Variants in SEMA3A observed in about 807,000 individuals in gnomAD.
SEMA3A encodes the protein semaphorin 3A, also known as semaphorin-3A.
In SEMA3A, 29 loss-of-function variants were observed where a neutral mutation model predicts 97.9. That is an observed-to-expected ratio of 0.30 (90% confidence interval 0.22 to 0.40). SEMA3A has a LOEUF of 0.40. Among genes scored for constraint, SEMA3A ranks in the 10% least tolerant of loss-of-function variants. SEMA3A has a pLI of 1.00. For synonymous variants in SEMA3A, 321 were observed against 323.7 expected (o/e 0.99, Z 0.09); for missense variants, 763 against 951.3 (o/e 0.80, Z 2.60).
At chr7:84,021,303 T>C (rs1791318653) in intron 6 of SEMA3A, among the ~76,000 whole-genome samples, 1 of 152,220 alleles carries the variant, frequency 6.6e-6, no homozygotes, top group Admixed American at 6.5e-5. Context: ...CTACTTATTT[T>C]ATAACATTTA....
At chr7:84,037,708 A>G (rs1791991480) in intron 6 of SEMA3A, among the ~76,000 whole-genome samples, 1 of 152,114 alleles carries the variant, frequency 6.6e-6, no homozygotes, top group Non-Finnish European at 1.5e-5. Flanking sequence ...TAAAATTACT[A>G]CTAGAAACAA....
intron 1 of SEMA3A, among the ~76,000 whole-genome samples, chr7:84,180,105 C>A (rs1797695622): frequency 1.3e-5 from 2 of 150,740 alleles, no homozygotes; most frequent in Non-Finnish European, 3.0e-5. Context: ...TGCCACCATG[C>A]CCGGCTGATT....
intron 6 of SEMA3A, among the ~76,000 whole-genome samples, chr7:84,026,262 C>A (rs973882363): frequency 6.6e-6 from 1 of 152,114 alleles, no homozygotes; most frequent in African/African-American, 2.4e-5. Flanking sequence ...CTTATTCAAC[C>A]CTGACTTTGA....
At chr7:84,272,078 A>G (rs1448106412) in intron 3 of SEMA3A, among the ~76,000 whole-genome samples, 3 of 152,094 alleles carry the variant, frequency 2.0e-5, no homozygotes, top group African/African-American at 7.2e-5. Context: ...CTTGCCTGGC[A>G]CAGCTTGCAT....
intron 3 of SEMA3A, among the ~76,000 whole-genome samples, chr7:84,301,708 T>A (rs979623294): frequency 6.6e-6 from 1 of 152,290 alleles, no homozygotes; most frequent in Non-Finnish European, 1.5e-5. Flanking sequence ...GAAAGCAGCT[T>A]GTTCATAAAC....
intron 3 of SEMA3A, among the ~76,000 whole-genome samples, chr7:84,293,517 A>G (rs1490002908): frequency 1.3e-5 from 2 of 152,050 alleles, no homozygotes; most frequent in African/African-American, 4.8e-5. Context: ...TAATTTTCAG[A>G]TGCAAAAAAT....
chr7:84,376,561 G>C (rs1198299640), intron 1 of SEMA3A, among the ~76,000 whole-genome samples: 1 of 90,110 alleles, frequency 1.1e-5, no homozygotes, highest in Non-Finnish European at 2.0e-5. Flanking sequence ...CCGAGATCGC[G>C]CCACTGCACT....
At chr7:84,020,856 A>C (rs1791301989) in intron 6 of SEMA3A, among the ~76,000 whole-genome samples, 1 of 152,118 alleles carries the variant, frequency 6.6e-6, no homozygotes, top group South Asian at 2.1e-4. Context: ...ATTTCCTCTA[A>C]GCCCCCCATA....
chr7:84,416,329 C>T (rs1006596639), intron 1 of SEMA3A, among the ~76,000 whole-genome samples: 4 of 152,080 alleles, frequency 2.6e-5, no homozygotes, highest in Non-Finnish European at 4.4e-5. Flanking sequence ...GTAAGAAGTG[C>T]CTTTCACCTT....
At chr7:83,971,337 C>G (rs1367199481) in intron 15 of SEMA3A, among the ~76,000 whole-genome samples, 1 of 150,842 alleles carries the variant, frequency 6.6e-6, no homozygotes. Context: ...GAGGCTGAGG[C>G]AGAAGAATTG....
chr7:84,045,918 C>G (rs1792330447), intron 6 of SEMA3A, among the ~76,000 whole-genome samples: 1 of 151,238 alleles, frequency 6.6e-6, no homozygotes, highest in Non-Finnish European at 1.5e-5. Flanking sequence ...CAATTTTTGA[C>G]ATTCACTAGT....
chr7:84,047,729 T>C (rs1792410979), intron 5 of SEMA3A, among the ~76,000 whole-genome samples: 1 of 152,042 alleles, frequency 6.6e-6, no homozygotes, highest in Non-Finnish European at 1.5e-5. Flanking sequence ...TAGGTTAATG[T>C]TTATTTGTTG....
intron 7 of SEMA3A, among the ~76,000 whole-genome samples, chr7:84,013,443 TTG>T (rs750059502): frequency 6.6e-6 from 1 of 151,832 alleles, no homozygotes; most frequent in Non-Finnish European, 1.5e-5. Context: ...GTGTGGGTGT[TTG>T]TGTGTGTGTG....
chr7:84,191,989 A>G (rs918795790), intron 1 of SEMA3A, among the ~76,000 whole-genome samples: 2 of 151,840 alleles, frequency 1.3e-5, no homozygotes, highest in African/African-American at 4.8e-5. Flanking sequence ...TTCATCTCCT[A>G]CCAGGCAAAA....
intron 3 of SEMA3A, among the ~76,000 whole-genome samples, chr7:84,200,283 G>A (rs1042262842): frequency 2.6e-5 from 4 of 152,076 alleles, no homozygotes; most frequent in Non-Finnish European, 4.4e-5. Flanking sequence ...GATGTGATAA[G>A]TCTTAATATT....
chr7:84,295,455 T>G (rs1800845342), intron 3 of SEMA3A, among the ~76,000 whole-genome samples: 1 of 152,078 alleles, frequency 6.6e-6, no homozygotes, highest in Admixed American at 6.6e-5. Flanking sequence ...ATATCTGAAA[T>G]GAAATCCGCA....
intron 1 of SEMA3A, among the ~76,000 whole-genome samples, chr7:84,466,809 T>C (rs1366271108): frequency 2.0e-5 from 3 of 152,178 alleles, no homozygotes; most frequent in African/African-American, 4.8e-5. Context: ...CTCTCCTACC[T>C]GTAGTTCCCC....
chr7:84,358,483 T>A (rs1802628748), intron 2 of SEMA3A, among the ~76,000 whole-genome samples: 1 of 152,190 alleles, frequency 6.6e-6, no homozygotes, highest in South Asian at 2.1e-4. Context: ...TCCATTCTGT[T>A]CCATTGGTCT....
chr7:84,173,769 C>A (rs959828588), intron 1 of SEMA3A, among the ~76,000 whole-genome samples: 3 of 152,042 alleles, frequency 2.0e-5, no homozygotes. Context: ...CAGCCCATGG[C>A]AGATTGGGAA....
Sources: allele counts gnomAD v4.1 joint callset (sites outside exome capture counted in the v4.1 genomes callset), GRCh38; gene constraint gnomAD v4.1.1; transcripts MANE v1.5; gene names NCBI Gene and HGNC (gene_info 2026-07-23, HGNC 2026-07-21).